The following DNAI1 variants were observed in gnomAD, a reference collection of about 807,000 sequenced individuals.
DNAI1 encodes dynein axonemal intermediate chain 1.
Under a neutral mutation model 92.0 loss-of-function variants are expected in DNAI1, and 67 were observed. The ratio of observed to expected loss-of-function variants is 0.73; its 90% CI spans 0.60 to 0.89. The LOEUF (loss-of-function observed/expected upper bound fraction) is 0.89. DNAI1 is among the 40% of genes least tolerant of loss of function. The pLI is 0.00. For missense variants in DNAI1, 839 were observed against 866.6 expected, an observed-to-expected ratio of 0.97 and a Z score of 0.40; for synonymous variants, 323 against 319.6, an observed-to-expected ratio of 1.01 and a Z score of -0.11.
chr9:34,514,455 A>G lies in DNAI1; in HGVS notation c.1631A>G (p.Asp544Gly). The G allele has an allele frequency of 6.2e-7, 1 of 1,614,224 alleles. No homozygotes were observed. Among genetic ancestry groups the G allele is most frequent in the Non-Finnish European group, 8.5e-7 (1 of 1,180,044 alleles). Residue 544 changes from aspartate to glycine, a missense_variant, in exon 17 of 20, where the codon GAC (aspartate) becomes GGC (glycine). Asp to Gly is a moderately conservative substitution (Grantham distance 94). Transcript: ENST00000242317. ...DTYDAHNMSV[D>G]TVSWNPYHTK... ...TATGACGCCCACAACATGTCAGTGG[A>G]CACTGTGTCCTGGAACCCATACCAC...
At chr9:34,491,058 G>T (rs372281931) in intron 7 of DNAI1, among the ~76,000 whole-genome samples, 12 of 152,314 alleles carry the variant, frequency 7.9e-5, no homozygotes, top group African/African-American at 2.9e-4. Context: ...CTAACATTTG[G>T]TAATCTGGGT....
intron 1 of DNAI1, among the ~76,000 whole-genome samples, chr9:34,477,795 A>G (rs573944496): frequency 6.6e-6 from 1 of 152,070 alleles, no homozygotes; most frequent in East Asian, 1.9e-4. Flanking sequence ...AAAAGAACAT[A>G]ATGAGGTCAG....
Position 34,520,809 on chromosome 9 carries a change from T to C in DNAI1, c.*53T>C. On this transcript the variant is annotated 3_prime_UTR_variant, in exon 20 of 20. Transcript: ENST00000242317. Reference sequence around the variant, plus strand: ...GCTTGAATACAGTACTCCTAGGGCTTGACCCTGGTACCCAGCCCAGCCTTA... The same window carrying C: ...GCTTGAATACAGTACTCCTAGGGCTCGACCCTGGTACCCAGCCCAGCCTTA... The C allele has an allele frequency of 6.6e-7, 1 of 1,526,644 alleles. No homozygotes were observed. Among genetic ancestry groups the C allele is most frequent in the Admixed American group, 2.0e-5 (1 of 50,972 alleles). 94.6% of individuals were successfully genotyped at this position (1,526,644 alleles called of 1,614,324 possible).
In DNAI1 at chr9:34,463,291, A is replaced by T. The variant is rs371294737; in HGVS notation, c.48+4238A>T. 4.6e-5 allele frequency among the ~76,000 whole-genome samples: 7 copies of T among 152,162 alleles called. No homozygotes were observed. In the East Asian group the frequency reaches 5.8e-4, roughly 13 times the overall value. ...AAGGGAGTGGGGAATGTGGCAGGAG[A>T]TAAGGTCAAAGAGGTACCTTCCCCT... On this transcript the variant is annotated intron_variant, in intron 1 of 19. Transcript: ENST00000242317.
intron 8 of DNAI1, among the ~76,000 whole-genome samples, 184 bp from the exon 9 acceptor site, chr9:34,493,010 C>T (rs1824639689): frequency 6.6e-6 from 1 of 152,102 alleles, no homozygotes; most frequent in South Asian, 2.1e-4. Context: ...AGAACTCTTT[C>T]ATTCTTGTTC....
chr9:34,475,532 C>T (rs189109654), intron 1 of DNAI1, among the ~76,000 whole-genome samples: 3 of 152,282 alleles, frequency 2.0e-5, no homozygotes, highest in Non-Finnish European at 4.4e-5. Context: ...GAAGGTAATG[C>T]TGTCAGGCAT....
intron 9 of DNAI1, among the ~76,000 whole-genome samples, chr9:34,495,190 G>C (rs963562826): frequency 6.6e-6 from 1 of 152,226 alleles, no homozygotes; most frequent in Non-Finnish European, 1.5e-5. Context: ...CAGGCTGCAA[G>C]TTCAGTGAGA....
intron 12 of DNAI1, among the ~76,000 whole-genome samples, chr9:34,505,969 G>C (rs1238862027): frequency 6.6e-6 from 1 of 152,194 alleles, no homozygotes; most frequent in Non-Finnish European, 1.5e-5. Context: ...GCACTCCCTT[G>C]ACATGGGGCT....
rs745418090 is a variant in DNAI1 at position 34,506,862 on chromosome 9, C to T, written c.1299C>T (p.Asp433=). ...CAGCCAAGTCTGGCAAGCACTCAGA[C>T]CCTGTGTGGCAGGTCAGCAACCAGG... ...CSSAKSGKHS[D]PVWQVKWQKD... The change falls in exon 13 of 20, where the codon GAC becomes GAT. Residue 433 remains aspartate, a synonymous_variant. Coordinates refer to ENST00000242317, the MANE Select transcript of DNAI1 (RefSeq NM_012144.4). 3 of 1,613,986 alleles carry T rather than the reference C, an allele frequency of 1.9e-6. No homozygotes were observed. In the South Asian group the frequency reaches 3.3e-5, roughly 18 times the overall value.
intron 1 of DNAI1, among the ~76,000 whole-genome samples, chr9:34,468,154 ATTAT>A (rs1423728338): frequency 6.6e-6 from 1 of 151,994 alleles, no homozygotes; most frequent in Non-Finnish European, 1.5e-5. Context: ...ATCCATGGAA[ATTAT>A]TTAATCTGAA....
intron 10 of DNAI1, among the ~76,000 whole-genome samples, chr9:34,498,223 C>G (rs915202805): frequency 2.0e-5 from 3 of 152,194 alleles, no homozygotes; most frequent in Non-Finnish European, 1.5e-5. Context: ...CTGGGAGTAG[C>G]CTGTGTGTCA....
intron 13 of DNAI1, 125 bp from the exon 14 acceptor site, chr9:34,511,983 TG>T: frequency 1.2e-6 from 1 of 821,672 alleles, no homozygotes; most frequent in Non-Finnish European, 2.1e-6. Flanking sequence ...CATGGGATTC[TG>T]GGAAATGGGC....
At chr9:34,486,181 G>A (rs1824466157) in intron 4 of DNAI1, among the ~76,000 whole-genome samples, 1 of 152,174 alleles carries the variant, frequency 6.6e-6, no homozygotes, top group Admixed American at 6.5e-5. Context: ...AGTGGAAGGG[G>A]TGCATATGTT....
chr9:34,515,711 G>T (rs146354986), intron 18 of DNAI1, among the ~76,000 whole-genome samples: 3 of 152,262 alleles, frequency 2.0e-5, no homozygotes, highest in Non-Finnish European at 4.4e-5. Context: ...CATGCTTAGC[G>T]TAAAAAGCCA....
chr9:34,493,717 G>T (rs1166069822), intron 9 of DNAI1, among the ~76,000 whole-genome samples: 1 of 152,150 alleles, frequency 6.6e-6, no homozygotes, highest in Non-Finnish European at 1.5e-5. Context: ...AAAGTGAGAT[G>T]TTTTTTCACT....
At chr9:34,514,823 C>T in intron 18 of DNAI1, 84 bp downstream of exon 18, 1 of 1,434,516 alleles carries the variant, frequency 7.0e-7, no homozygotes, top group South Asian at 1.1e-5. Flanking sequence ...GAGAACCCAT[C>T]CCATGCCTAG....
chr9:34,461,040 A>G (rs1258815386), intron 1 of DNAI1, among the ~76,000 whole-genome samples: 2 of 152,070 alleles, frequency 1.3e-5, no homozygotes, highest in South Asian at 4.2e-4. Context: ...ACAGGGTTTC[A>G]CTGTGTTAGC....
At chr9:34,477,854 G>A (rs1824266310) in intron 1 of DNAI1, among the ~76,000 whole-genome samples, 1 of 150,534 alleles carries the variant, frequency 6.6e-6, no homozygotes, top group Non-Finnish European at 1.5e-5. Flanking sequence ...CGAATATGAG[G>A]TTCTGGGAAG....
chr9:34,514,242 TG>T, intron 16 of DNAI1, 151 bp from the exon 17 acceptor site: 2 of 990,340 alleles, frequency 2.0e-6, no homozygotes, highest in Non-Finnish European at 1.6e-6. Flanking sequence ...GTGCTGAGGG[TG>T]GGAAGGGCAG....
Sources: gnomAD v4.1 joint callset for allele counts (sites outside exome capture counted in the v4.1 genomes callset) on GRCh38, gnomAD v4.1.1 for gene constraint, MANE v1.5 for transcripts, NCBI Gene and HGNC (gene_info 2026-07-23, HGNC 2026-07-21) for gene names.